GPHN: variants seen among roughly 807,000 people sequenced by gnomAD.
GPHN encodes gephyrin.
A neutral mutation model predicts 95.5 loss-of-function variants in GPHN; 17 were observed. The observed-to-expected ratio is 0.18, with a 90% CI of 0.12 to 0.27. The LOEUF (loss-of-function observed/expected upper bound fraction) is 0.27, where lower values mean the gene tolerates loss of function less well. Among genes scored for constraint, GPHN ranks in the 10% least tolerant of loss-of-function variants. The pLI is 1.00. For missense variants in GPHN, 660 were observed against 978.1 expected (o/e 0.67, Z 4.34); for synonymous variants, 320 against 322.5 (o/e 0.99, Z 0.08).
chr14:67,182,286 A>G (rs17827890), downstream of GPHN, among the ~76,000 whole-genome samples: 2,737 of 152,316 alleles, frequency 0.018, 46 homozygotes, highest in Non-Finnish European at 0.03. Context: ...CACAATAGGT[A>G]AAATATACTG....
intron 10 of GPHN, among the ~76,000 whole-genome samples, chr14:67,045,427 TTC>T (rs1249973305): frequency 6.6e-6 from 1 of 151,724 alleles, no homozygotes; most frequent in Non-Finnish European, 1.5e-5. Context: ...TCTCTTGTCT[TTC>T]TGTCTTTGTC....
chr14:67,222,464 G>T, the GPHN span, among the ~76,000 whole-genome samples: 2 of 152,012 alleles, frequency 1.3e-5, no homozygotes, highest in Non-Finnish European at 2.9e-5. Flanking sequence ...ACTAAATTTT[G>T]TATTTTTCAC....
At chr14:66,792,857 G>A (rs1171813895) in intron 3 of GPHN, among the ~76,000 whole-genome samples, 2 of 152,254 alleles carry the variant, frequency 1.3e-5, no homozygotes, top group Admixed American at 1.3e-4. Context: ...CCAGTCATTA[G>A]CATTGTTTCT....
chr14:67,311,077 C>T, the GPHN span, among the ~76,000 whole-genome samples: 1 of 151,910 alleles, frequency 6.6e-6, no homozygotes, highest in African/African-American at 2.4e-5. Flanking sequence ...TTTGGGAGGC[C>T]AAGGCAGGTG....
At chr14:66,585,102 T>C (rs1190877470) in intron 1 of GPHN, among the ~76,000 whole-genome samples, 4 of 151,994 alleles carry the variant, frequency 2.6e-5, no homozygotes, top group Non-Finnish European at 5.9e-5. Flanking sequence ...CAACTTCTTC[T>C]TGATTTAGTC....
At chr14:67,587,714 A>G in the GPHN span, 1 of 164,446 alleles carries the variant, frequency 6.1e-6, no homozygotes, top group Admixed American at 6.0e-5. Flanking sequence ...TGCCCGGCTA[A>G]TTTTTGTATT....
intron 10 of GPHN, among the ~76,000 whole-genome samples, chr14:67,034,909 C>T (rs974326265): frequency 3.3e-5 from 5 of 151,980 alleles, no homozygotes; most frequent in Non-Finnish European, 7.4e-5. Flanking sequence ...AGAACTTGAA[C>T]ACTGTTGACC....
chr14:67,535,511 G>T, the GPHN span, among the ~76,000 whole-genome samples: 2 of 151,304 alleles, frequency 1.3e-5, no homozygotes, highest in Non-Finnish European at 2.9e-5. Context: ...CTCCCAAGTG[G>T]CTGGGATTAA....
chr14:67,533,875 T>C, the GPHN span: 1 of 152,170 alleles, frequency 6.6e-6, no homozygotes, highest in South Asian at 2.1e-4. Flanking sequence ...GGGCGCCGAA[T>C]GACACAGAGC....
intron 21 of GPHN, among the ~76,000 whole-genome samples, chr14:67,178,794 C>T (rs1373886436): frequency 6.6e-6 from 1 of 151,566 alleles, no homozygotes; most frequent in Non-Finnish European, 1.5e-5. Flanking sequence ...AAGTTAAAGA[C>T]AAAGAATTAT....
the GPHN span, among the ~76,000 whole-genome samples, chr14:67,397,400 T>C: frequency 1.3e-5 from 2 of 152,212 alleles, no homozygotes; most frequent in Non-Finnish European, 2.9e-5. Flanking sequence ...CACCGTGACC[T>C]TCATGGTCCT....
intron 2 of GPHN, among the ~76,000 whole-genome samples, chr14:66,754,142 C>G (rs2058474208): frequency 6.6e-6 from 1 of 151,924 alleles, no homozygotes; most frequent in Non-Finnish European, 1.5e-5. Context: ...CACTTTTTGT[C>G]TATTATCAAT....
chr14:67,269,609 C>T, the GPHN span: 1 of 152,552 alleles, frequency 6.6e-6, no homozygotes, highest in African/African-American at 2.4e-5. Flanking sequence ...AATTGGTTAT[C>T]ATATTGAATT....
At chr14:66,819,218 T>G (rs2061095576) in intron 3 of GPHN, among the ~76,000 whole-genome samples, 1 of 152,224 alleles carries the variant, frequency 6.6e-6, no homozygotes, top group Non-Finnish European at 1.5e-5. Context: ...TTTATAGTTT[T>G]GGGTTTTATA....
intron 21 of GPHN, among the ~76,000 whole-genome samples, chr14:67,178,286 T>C (rs1182658195): frequency 6.6e-6 from 1 of 152,230 alleles, no homozygotes; most frequent in Non-Finnish European, 1.5e-5. Context: ...CATTTGCTTG[T>C]CTGTAAAGGA....
chr14:66,521,968 A>G (rs17780352), intron 1 of GPHN, among the ~76,000 whole-genome samples: 2,312 of 152,172 alleles, frequency 0.015, 20 homozygotes, highest in Middle Eastern at 0.034. Flanking sequence ...TTCCCTGAGA[A>G]TGTAGTTCAT....
intron 1 of GPHN, among the ~76,000 whole-genome samples, chr14:66,633,573 A>G (rs867032097): frequency 7.2e-5 from 11 of 151,926 alleles, no homozygotes; most frequent in African/African-American, 2.7e-4. Context: ...GGATTTTACA[A>G]TTTTATACAT....
At position 67,110,119 on chromosome 14, in the gene GPHN, C is replaced by A. The variant is rs751470434; in HGVS notation, c.1294-21C>A. On this transcript the variant is annotated intron_variant, in intron 13 of 22. Transcript: ENST00000478722. ...TGCAGCAGCAAAGTACATCAACTGTCTTTTTCATCTTTATTTCCAGCCAAC... is the reference window on the plus strand; with the variant it reads ...TGCAGCAGCAAAGTACATCAACTGTATTTTTCATCTTTATTTCCAGCCAAC... 4 of 1,611,404 alleles carry A rather than the reference C, an allele frequency of 2.5e-6. No homozygotes were observed. In the African/African-American group the frequency reaches 4.0e-5, roughly 16 times the overall value.
Position 67,158,989 on chromosome 14 carries a change from CG to C in GPHN, c.1837-423del, listed in dbSNP as rs544461277. Among the ~76,000 whole-genome samples the C allele has an allele frequency of 2.0e-3, 312 of 152,202 alleles. 1 individual carries two copies. Among genetic ancestry groups the C allele is most frequent in the African/African-American group, 7.2e-3 (298 of 41,538 alleles). ...GATACATACATGTAGGTTTCTTGCC[CG>C]GGTACAACTTAAGACATATTTGTTA... On this transcript the variant is annotated intron_variant, in intron 18 of 22. Coordinates refer to ENST00000478722, the MANE Select transcript of GPHN (RefSeq NM_020806.5).
Sources: gnomAD v4.1 joint callset for allele counts (sites outside exome capture counted in the v4.1 genomes callset) on GRCh38, gnomAD v4.1.1 for gene constraint, MANE v1.5 for transcripts, NCBI Gene and HGNC (gene_info 2026-07-23, HGNC 2026-07-21) for gene names.